POLR2C: variants seen among roughly 807,000 people sequenced by gnomAD.
The protein encoded by POLR2C is RNA polymerase II subunit C.
In POLR2C, 36 loss-of-function variants were observed where a neutral mutation model predicts 41.7. The observed-to-expected ratio is 0.86, with a 90% confidence interval of 0.66 to 1.14. The LOEUF (loss-of-function observed/expected upper bound fraction) is 1.14, where lower values mean the gene tolerates loss of function less well. POLR2C is among the 50% of genes most tolerant of loss of function. POLR2C has a pLI of 0.00. For missense variants in POLR2C, 260 were observed against 350.4 expected (o/e 0.74, Z 2.06); for synonymous variants, 133 against 137.8 (o/e 0.96, Z 0.25).
At position 57,470,106 on chromosome 16, in the gene POLR2C, A is replaced by G. The variant is rs2030794648; in HGVS notation, c.585A>G (p.Thr195=). 1.9e-6 allele frequency: 3 copies of G among 1,614,030 alleles called. No homozygotes were observed. The highest frequency in any genetic ancestry group is 1.1e-5 in the South Asian group (1 of 91,056). ...EYDPDNALRH[T]VYPKPEEWPK... ...ATCCAGACAATGCCCTGAGGCACACAGTGTACCCCAAGCCCGAGGAATGGT... is the reference window on the plus strand; with the variant it reads ...ATCCAGACAATGCCCTGAGGCACACGGTGTACCCCAAGCCCGAGGAATGGT... The change falls in exon 7 of 9, where the codon ACA becomes ACG. Residue 195 remains threonine (T), a synonymous_variant. Transcript: ENST00000219252.
At chr16:57,463,129 C>T (rs748675012) in intron 2 of POLR2C, 51 bp downstream of exon 2, 15 of 1,396,402 alleles carry the variant, frequency 1.1e-5, no homozygotes, top group Middle Eastern at 1.8e-4. Flanking sequence ...CTGCCCCGCT[C>T]TCCACCCACA....
At chr16:57,467,624 TTGCTTTATTTTTCATA>T (rs1170154584) in intron 4 of POLR2C, among the ~76,000 whole-genome samples, 175 of 152,358 alleles carry the variant, frequency 1.1e-3, no homozygotes, top group African/African-American at 3.7e-3. Flanking sequence ...TATTTTACAT[TTGCTTTATTTTTCATA>T]TGCAAATTGT....
chr16:57,463,086 A>C lies in POLR2C; in HGVS notation c.136+8A>C. On this transcript the variant is annotated splice_region_variant and intron_variant, in intron 2 of 8. Coordinates refer to ENST00000219252, the MANE Select transcript of POLR2C (RefSeq NM_032940.3). ...CTGAGGTTCCCATAATAGGTAAGCG[A>C]CTCCCCTTCCTCGTTCCCGCGCCCA... is the stretch of plus-strand genomic sequence containing the variant. The C allele has an allele frequency of 6.2e-7, 1 of 1,606,606 alleles. No individual in the cohort carries two copies. The highest frequency in any genetic ancestry group is 8.5e-7 in the Non-Finnish European group (1 of 1,174,880).
At chr16:57,467,801 T>G (rs1027074046) in intron 4 of POLR2C, among the ~76,000 whole-genome samples, 3 of 152,194 alleles carry the variant, frequency 2.0e-5, no homozygotes, top group African/African-American at 7.2e-5. Context: ...ATATTCAGAT[T>G]TTCCTAGTTT....
At chr16:57,467,554 G>T (rs2030740202) in intron 4 of POLR2C, among the ~76,000 whole-genome samples, 2 of 152,152 alleles carry the variant, frequency 1.3e-5, no homozygotes, top group African/African-American at 2.4e-5. Flanking sequence ...CTGAAAATCT[G>T]TAGAAAAGTT....
chr16:57,471,357 C>G lies in POLR2C; in HGVS notation c.*238C>G. ...TGTTAATAATTGGCAGCAGTGCTCC[C>G]CAGATCCCAGAAGGTCCCTGCTGGA... On this transcript the variant is annotated 3_prime_UTR_variant, in exon 9 of 9. Transcript: ENST00000219252. The G allele has an allele frequency of 2.0e-6, 1 of 498,170 alleles. No individual in the cohort carries two copies. The highest frequency in any genetic ancestry group is 3.6e-6 in the Non-Finnish European group (1 of 277,006). 30.9% of individuals were successfully genotyped at this position (498,170 alleles called of 1,614,324 possible).
Position 57,469,299 on chromosome 16 carries a change from TGCGGG to T in POLR2C, c.387+7_387+11del. Reference sequence around the variant, plus strand: ...ACAGCCCCCGGGTCATTCCGGTCAGTGCGGGAGAGCATCCTCTTTTCCCTGGGATC... The same window carrying T: ...ACAGCCCCCGGGTCATTCCGGTCAGTAGAGCATCCTCTTTTCCCTGGGATC... On this transcript the variant is annotated splice_region_variant and intron_variant, in intron 5 of 8. Transcript: ENST00000219252. The surrounding 1 kb of genome is among the most constrained non-coding windows in gnomAD (Gnocchi z 5.8). 6.2e-7 allele frequency: 1 copy of T among 1,612,628 alleles called. No individual in the cohort carries two copies. The highest frequency in any genetic ancestry group is 8.5e-7 in the Non-Finnish European group (1 of 1,179,948).
At position 57,470,057 on chromosome 16, in the gene POLR2C, C is replaced by A. The variant is rs752501455; in HGVS notation, c.536C>A (p.Thr179Asn). ...FGKEHAKWNP[T>N]AGVAFEYDPD... ...AAGGAGCATGCCAAGTGGAACCCTACTGCAGGGGTGGCTTTTGAATACGAT... is the reference window on the plus strand; with the variant it reads ...AAGGAGCATGCCAAGTGGAACCCTAATGCAGGGGTGGCTTTTGAATACGAT... The change falls in exon 7 of 9, where the codon ACT (threonine) becomes AAT (asparagine). Residue 179 changes from threonine (T) to asparagine (N), a missense_variant. Coordinates refer to ENST00000219252, the MANE Select transcript of POLR2C (RefSeq NM_032940.3). 1 of 1,614,222 alleles carries A rather than the reference C, an allele frequency of 6.2e-7. No individual in the cohort carries two copies.
intron 2 of POLR2C, chr16:57,465,644 A>AT (rs1473070739): frequency 6.8e-6 from 2 of 292,162 alleles, no homozygotes; most frequent in Non-Finnish European, 1.3e-5. Context: ...CAGGTAGCAG[A>AT]TTTAAGTGCT....
chr16:57,463,029 G>T lies in POLR2C; in HGVS notation c.87G>T (p.Ala29=), dbSNP rs769104317. The change falls in exon 2 of 9, where the codon GCG becomes GCT. Residue 29 remains alanine, a splice_region_variant and synonymous_variant. Coordinates refer to ENST00000219252, the MANE Select transcript of POLR2C (RefSeq NM_032940.3). ...CGCCCCTTGGCTTTTGATCTTTCAG[G>T]GTGGCCAATTCGATTCGGAGGGTCT... ...VKFIIENTDL[A]VANSIRRVFI... is the part of the protein sequence containing the mutation. 5 of 1,613,574 alleles carry T rather than the reference G, an allele frequency of 3.1e-6. No individual in the cohort carries two copies. The Admixed American group carries it at 6.7e-5, about 22-fold the overall frequency.
At position 57,466,014 on chromosome 16, in the gene POLR2C, C is replaced by T. The variant is rs2030699743; in HGVS notation, c.198C>T (p.His66=). 1.3e-6 allele frequency: 2 copies of T among 1,593,256 alleles called. No homozygotes were observed. Among genetic ancestry groups the T allele is most frequent in the South Asian group, 1.1e-5 (1 of 90,638 alleles). Residue 66 remains histidine (H), a synonymous_variant, in exon 3 of 9, where the codon CAC becomes CAT. Transcript: ENST00000219252. ...TTCTTCATGATGAATTCATTGCTCACAGGCTTGGTGAGTACTCCTTTTACT... is the reference window on the plus strand; with the variant it reads ...TTCTTCATGATGAATTCATTGCTCATAGGCTTGGTGAGTACTCCTTTTACT... The part of the protein sequence containing the change: ...SSVLHDEFIA[H]RLGLIPLISD...
Position 57,470,986 on chromosome 16 carries a change from AT to A in POLR2C, c.696del (p.Asn232LysfsTer21). 1 of 1,614,072 alleles carries A rather than the reference AT, an allele frequency of 6.2e-7. No individual in the cohort carries two copies. Among genetic ancestry groups the A allele is most frequent in the East Asian group, 2.2e-5 (1 of 44,880 alleles). On this transcript the variant is annotated frameshift_variant, in exon 9 of 9. Transcript: ENST00000219252. LOFTEE classifies it high-confidence loss of function. ...PNGKPERFYY[N>X]VESCGSLRPE... ...CTCTTGCCTCCTAGGTTTTACTACA[AT>A]GTGGAGTCCTGTGGCTCTCTGCGTC...
chr16:57,471,046 TGAA>T lies in POLR2C; in HGVS notation c.762_764del (p.Lys255del). ...ATTGTCCTGTCAGCCCTCTCAGGAT[TGAA>T]GAAGAAACTGAGTGATTTACAAACT... On this transcript the variant is annotated inframe_deletion, in exon 9 of 9. Coordinates refer to ENST00000219252, the MANE Select transcript of POLR2C (RefSeq NM_032940.3). The T allele has an allele frequency of 2.5e-6, 4 of 1,613,124 alleles. No individual in the cohort carries two copies. The highest frequency in any genetic ancestry group is 3.4e-6 in the Non-Finnish European group (4 of 1,179,084).
intron 4 of POLR2C, among the ~76,000 whole-genome samples, chr16:57,468,537 G>A (rs1489555372): frequency 1.3e-5 from 2 of 152,240 alleles, no homozygotes; most frequent in Non-Finnish European, 2.9e-5. Flanking sequence ...AAGTGAAACT[G>A]CAATTAATAG....
intron 3 of POLR2C, 76 bp from the exon 4 acceptor site, chr16:57,466,099 C>G (rs1161980680): frequency 2.1e-6 from 3 of 1,425,276 alleles, no homozygotes; most frequent in African/African-American, 2.8e-5. Flanking sequence ...TCCAGCCTCA[C>G]CCCCAGAAGG....
Position 57,462,781 on chromosome 16 carries a change from C to G in POLR2C, c.57C>G (p.Val19=), listed in dbSNP as rs781352861. 2 of 1,608,278 alleles carry G rather than the reference C, an allele frequency of 1.2e-6. No individual in the cohort carries two copies. The highest frequency in any genetic ancestry group is 1.1e-5 in the South Asian group (1 of 90,100). Residue 19 remains valine (V), a synonymous_variant, in exon 1 of 9, where the codon GTC becomes GTG. Transcript: ENST00000219252. ...VRITELTDEN[V]KFIIENTDLA... The stretch of plus-strand genomic sequence containing the variant: ...TCACGGAGCTCACTGACGAGAATGT[C>G]AAGTTCATCATCGAGAACACCGACC...
In POLR2C at chr16:57,469,733, T is replaced by G; in HGVS notation, c.411T>G (p.Asn137Lys). 6.2e-7 allele frequency: 1 copy of G among 1,614,072 alleles called. No homozygotes were observed. Among genetic ancestry groups the G allele is most frequent in the African/African-American group, 1.3e-5 (1 of 75,036 alleles). ...VIPVTSRNRD[N>K]DPNDYVEQDD... ...AGGTGACATCCCGGAACCGAGATAA[T>G]GACCCCAATGACTACGTGGAGCAGG... Residue 137 changes from asparagine to lysine, a missense_variant, in exon 6 of 9, where the codon AAT (asparagine) becomes AAG (lysine). Asn to Lys is a moderately conservative substitution (Grantham distance 94). Coordinates refer to ENST00000219252, the MANE Select transcript of POLR2C (RefSeq NM_032940.3). This position sits in a 1 kb window ranked among gnomAD's most constrained non-coding sequence, Gnocchi z 5.8.
intron 4 of POLR2C, 126 bp downstream of exon 4, chr16:57,466,353 G>A: frequency 1.4e-6 from 1 of 704,038 alleles, no homozygotes; most frequent in Non-Finnish European, 2.5e-6. Context: ...ACGTGGAGAT[G>A]TTGTCTAGAG....
At chr16:57,470,413 A>G (rs1024990543) in intron 8 of POLR2C, 59 bp downstream of exon 8, 17 of 1,326,588 alleles carry the variant, frequency 1.3e-5, no homozygotes, top group Non-Finnish European at 1.8e-5. Context: ...GTTTTGGTTC[A>G]GGCCGTGAGT....
Sources: gnomAD v4.1 joint callset for allele counts (sites outside exome capture counted in the v4.1 genomes callset) on GRCh38, gnomAD v4.1.1 for gene constraint, Gnocchi (gnomAD v3.1) non-coding constraint, MANE v1.5 for transcripts, NCBI Gene and HGNC (gene_info 2026-07-23, HGNC 2026-07-21) for gene names.